The following TENT4B variants were observed in gnomAD, a reference collection of about 807,000 sequenced individuals.
TENT4B encodes PAP associated domain containing 5.
A neutral mutation model predicts 75.0 loss-of-function variants in TENT4B; 10 were observed. The ratio of observed to expected loss-of-function variants is 0.13; its 90% CI spans 0.08 to 0.23. TENT4B has a LOEUF of 0.23. Ranked by LOEUF, TENT4B falls within the 10% of genes least tolerant of loss-of-function variation. TENT4B has a pLI of 1.00. For missense variants in TENT4B, 579 were observed against 893.8 expected, an observed-to-expected ratio of 0.65 and a Z score of 4.49; for synonymous variants, 350 against 357.7, an observed-to-expected ratio of 0.98 and a Z score of 0.24.
chr16:50,210,799 C>T (rs2150733465), intron 1 of TENT4B, among the ~76,000 whole-genome samples: 1 of 152,324 alleles, frequency 6.6e-6, no homozygotes, highest in African/African-American at 2.4e-5. Flanking sequence ...TGCCCTGTAC[C>T]TCGCAGGCTC....
upstream of TENT4B, chr16:50,152,972 C>T (rs1161682448): frequency 6.6e-7 from 1 of 1,514,110 alleles, no homozygotes; most frequent in South Asian, 1.2e-5. Context: ...CGTCCACGCT[C>T]AGCACCGGGG....
At chr16:50,166,201 C>T (rs1421430165) in intron 1 of TENT4B, among the ~76,000 whole-genome samples, 1 of 151,558 alleles carries the variant, frequency 6.6e-6, no homozygotes, top group Admixed American at 6.6e-5. Flanking sequence ...TTGTATCTCT[C>T]AGCCTCCCGA....
intron 5 of TENT4B, among the ~76,000 whole-genome samples, chr16:50,218,290 C>G (rs568026573): frequency 1.3e-5 from 2 of 152,070 alleles, no homozygotes; most frequent in South Asian, 4.2e-4. Context: ...TCCTTTAACC[C>G]ATTTCCCATA....
At chr16:50,160,508 T>A (rs2037983751) in intron 1 of TENT4B, among the ~76,000 whole-genome samples, 1 of 152,136 alleles carries the variant, frequency 6.6e-6, no homozygotes, top group Non-Finnish European at 1.5e-5. Context: ...AAAATTCTGA[T>A]CCTGGCATGC....
chr16:50,224,203 C>T (rs1379227053), intron 7 of TENT4B, among the ~76,000 whole-genome samples: 7 of 152,128 alleles, frequency 4.6e-5, no homozygotes, highest in Non-Finnish European at 7.3e-5. Flanking sequence ...GATTGGGAGC[C>T]TGCTCTGTTC....
rs1311089278 is a variant in TENT4B at position 50,230,632 on chromosome 16, T to C, written c.*1304T>C. 4.3e-5 allele frequency: 42 copies of C among 984,702 alleles called. No individual in the cohort carries two copies. The highest frequency in any genetic ancestry group is 5.1e-5 in the Non-Finnish European group (42 of 829,014). The allele number at this position is 984,702 out of a possible 1,614,324, so 61.0% of individuals were successfully genotyped here. A position where few individuals can be genotyped will look rare whatever the true frequency, so the allele number is the denominator to read the frequency against. On this transcript the variant is annotated 3_prime_UTR_variant, in exon 12 of 12. Coordinates refer to ENST00000561678, the MANE Select transcript of TENT4B (RefSeq NM_001365324.3). ...AAATACTTCTTGTCATCCCATTCTT[T>C]ATCCTCTTCTTTCATGGAATTGTTA...
chr16:50,183,026 A>AT (rs565434826), intron 1 of TENT4B, among the ~76,000 whole-genome samples: 4,710 of 128,866 alleles, frequency 0.037, 87 homozygotes, highest in Middle Eastern at 0.078. Flanking sequence ...GCTTTCTTGT[A>AT]TTTTTTTTTT....
At chr16:50,187,489 A>G (rs1163226015) in intron 1 of TENT4B, among the ~76,000 whole-genome samples, 2 of 152,200 alleles carry the variant, frequency 1.3e-5, no homozygotes, top group African/African-American at 4.8e-5. Context: ...AGGCTGAGGC[A>G]GGAGAATTGC....
At chr16:50,163,766 A>G (rs62029917) in intron 1 of TENT4B, among the ~76,000 whole-genome samples, 101,314 of 151,842 alleles carry the variant, frequency 0.67, 35,667 homozygotes, top group South Asian at 0.77. Context: ...ATATATATAT[A>G]TATTTTATGT....
intron 11 of TENT4B, 87 bp from the exon 12 acceptor site, chr16:50,229,065 T>A (rs1478935390): frequency 3.2e-5 from 49 of 1,555,440 alleles, no homozygotes; most frequent in Non-Finnish European, 3.6e-5. Flanking sequence ...ATTCCTAGTT[T>A]TGAAAGCTTC....
At chr16:50,221,671 TTC>T (rs1325206608) in intron 5 of TENT4B, among the ~76,000 whole-genome samples, 1 of 152,244 alleles carries the variant, frequency 6.6e-6, no homozygotes, top group African/African-American at 2.4e-5. Context: ...CTTGTACTCT[TTC>T]TATTCTCTGT....
chr16:50,231,541 A>G lies in TENT4B; in HGVS notation c.*2213A>G, dbSNP rs2032295557. ...TTAGGGTGCGAATATTAGTGTTCCAATAAGCATGTGATTATATTAAGGTGG... is the reference window on the plus strand; with the variant it reads ...TTAGGGTGCGAATATTAGTGTTCCAGTAAGCATGTGATTATATTAAGGTGG... On this transcript the variant is annotated 3_prime_UTR_variant, in exon 12 of 12. Transcript: ENST00000561678. 1.9e-5 allele frequency: 19 copies of G among 985,710 alleles called. No homozygotes were observed. Among genetic ancestry groups the G allele is most frequent in the Non-Finnish European group, 2.3e-5 (19 of 829,918 alleles). 61.1% of individuals were successfully genotyped at this position (985,710 alleles called of 1,614,324 possible).
At chr16:50,205,891 C>T (rs138651659) in intron 1 of TENT4B, among the ~76,000 whole-genome samples, 162 of 152,162 alleles carry the variant, frequency 1.1e-3, no homozygotes, top group African/African-American at 3.7e-3. Flanking sequence ...GCTTCTGCCC[C>T]TGCACATGTC....
chr16:50,196,488 T>TATCATCATCATC (rs10536148), intron 1 of TENT4B, among the ~76,000 whole-genome samples: 92 of 149,858 alleles, frequency 6.1e-4, no homozygotes, highest in Admixed American at 1.0e-3. Context: ...AGTTTATCAT[T>TATCATCATCATC]ATCATCATCA....
intron 3 of TENT4B, among the ~76,000 whole-genome samples, chr16:50,214,844 G>A (rs942825263): frequency 2.0e-5 from 3 of 152,154 alleles, no homozygotes; most frequent in African/African-American, 7.2e-5. Context: ...GTATTGCTCA[G>A]TCCCATAACT....
intron 1 of TENT4B, among the ~76,000 whole-genome samples, chr16:50,184,084 A>G (rs535256211): frequency 1.1e-4 from 17 of 152,298 alleles, no homozygotes; most frequent in South Asian, 4.1e-4. Flanking sequence ...CTAGGCAACC[A>G]TCAGAATACT....
chr16:50,213,031 C>T (rs762499986), intron 2 of TENT4B, among the ~76,000 whole-genome samples: 7 of 152,116 alleles, frequency 4.6e-5, no homozygotes, highest in Non-Finnish European at 1.0e-4. Flanking sequence ...AGGTCCATCT[C>T]GCCTCAGAGG....
At chr16:50,196,312 G>T (rs1277283490) in intron 1 of TENT4B, among the ~76,000 whole-genome samples, 1 of 151,894 alleles carries the variant, frequency 6.6e-6, no homozygotes, top group African/African-American at 2.4e-5. Flanking sequence ...TGTTTTGTTT[G>T]CTATTTATTT....
At chr16:50,157,677 G>A (rs4785389) in intron 1 of TENT4B, among the ~76,000 whole-genome samples, 152,304 of 152,320 alleles carry the variant, frequency 1, 76,144 homozygotes, top group Middle Eastern at 1. Flanking sequence ...GCTCACTGCA[G>A]CCTTTGCCTG....
Sources: gnomAD v4.1 joint callset for allele counts (sites outside exome capture counted in the v4.1 genomes callset) on GRCh38, gnomAD v4.1.1 for gene constraint, MANE v1.5 for transcripts, NCBI Gene and HGNC (gene_info 2026-07-23, HGNC 2026-07-21) for gene names.